Variants in NUP93 observed in about 807,000 individuals in gnomAD.
NUP93 encodes the protein nucleoporin 93, also known as nuclear pore complex protein Nup93.
A neutral mutation model predicts 107.8 loss-of-function variants in NUP93; 55 were observed. The ratio of observed to expected loss-of-function variants is 0.51; its 90% CI spans 0.41 to 0.64. The LOEUF (loss-of-function observed/expected upper bound fraction) is 0.64, where lower values mean the gene tolerates loss of function less well. NUP93 is among the 30% of genes least tolerant of loss of function. The pLI is 0.00. For missense variants in NUP93, 937 were observed against 1,044.7 expected, an observed-to-expected ratio of 0.90 and a Z score of 1.42; for synonymous variants, 390 against 397.5, an observed-to-expected ratio of 0.98 and a Z score of 0.22.
intron 4 of NUP93, among the ~76,000 whole-genome samples, chr16:56,805,138 G>A (rs1349239982): frequency 6.6e-6 from 1 of 151,984 alleles, no homozygotes; most frequent in Non-Finnish European, 1.5e-5. Flanking sequence ...GCTCACTGCA[G>A]CCTCGACTTC....
intron 2 of NUP93, among the ~76,000 whole-genome samples, chr16:56,754,735 C>T (rs1309609618): frequency 5.3e-5 from 8 of 152,192 alleles, no homozygotes; most frequent in Admixed American, 5.2e-4. Context: ...TTTCTCACAA[C>T]TCCACTAGGC....
intron 3 of NUP93, among the ~76,000 whole-genome samples, chr16:56,763,485 TGTGTGTGTGTGTGG>T (rs1388528518): frequency 6.7e-6 from 1 of 149,934 alleles, no homozygotes; most frequent in African/African-American, 2.5e-5. Flanking sequence ...GAACTGCTTG[TGTGTGTGTGTGTGG>T]GTGGGTGTGT....
At position 56,758,522 on chromosome 16, in the gene NUP93, C is replaced by T. The variant is rs1486890867; in HGVS notation, c.180-16C>T. 4.4e-6 allele frequency: 7 copies of T among 1,584,322 alleles called. No individual in the cohort carries two copies. The African/African-American group carries it at 8.1e-5, about 18-fold the overall frequency. The stretch of plus-strand genomic sequence containing the variant: ...TTCCCCTTACTTATATCTCCCTATT[C>T]TATATCCTCACATAGGTCAGTTCTC... On this transcript the variant is annotated splice_polypyrimidine_tract_variant and intron_variant, in intron 2 of 21. Transcript: ENST00000308159.
At chr16:56,737,109 G>A (rs1961626665) in intron 1 of NUP93, among the ~76,000 whole-genome samples, 1 of 152,134 alleles carries the variant, frequency 6.6e-6, no homozygotes, top group South Asian at 2.1e-4. Context: ...TGGTACTTTG[G>A]TCAGCTCAGA....
rs1964118548 is a variant in NUP93, at chr16:56,846,491, C to G, written c.*1882C>G. Reference sequence around the variant, plus strand: ...TTGGGAGGCCAAGGCAGGCAGTTCGCTTGAGGTAAGGGGTTTGAGACCAGT... The same window carrying G: ...TTGGGAGGCCAAGGCAGGCAGTTCGGTTGAGGTAAGGGGTTTGAGACCAGT... On this transcript the variant is annotated 3_prime_UTR_variant, in exon 22 of 22. Coordinates refer to ENST00000308159, the MANE Select transcript of NUP93 (RefSeq NM_014669.5). 1.3e-5 allele frequency: 2 copies of G among 152,112 alleles called. No homozygotes were observed. The highest frequency in any genetic ancestry group is 4.1e-4 in the South Asian group (2 of 4,822). 9.4% of individuals were successfully genotyped at this position (152,112 alleles called of 1,614,324 possible). A position where few individuals can be genotyped will look rare whatever the true frequency, so the allele number is the denominator to read the frequency against.
chr16:56,757,574 CT>C (rs1962048822), intron 2 of NUP93, among the ~76,000 whole-genome samples: 1 of 152,220 alleles, frequency 6.6e-6, no homozygotes, highest in Non-Finnish European at 1.5e-5. Context: ...TTAGTGCAAC[CT>C]TTTCTTTAAA....
At chr16:56,775,143 C>T (rs1417347160) in intron 3 of NUP93, among the ~76,000 whole-genome samples, 4 of 152,106 alleles carry the variant, frequency 2.6e-5, no homozygotes, top group African/African-American at 9.7e-5. Flanking sequence ...TCAAGCGATC[C>T]ACCTACTTTG....
chr16:56,793,459 G>A (rs555792733), intron 3 of NUP93, among the ~76,000 whole-genome samples: 4 of 152,240 alleles, frequency 2.6e-5, no homozygotes, highest in South Asian at 4.2e-4. Flanking sequence ...CTGTACCCAC[G>A]GGGCATCTCA....
At chr16:56,844,350 G>T (rs1964082287) in intron 21 of NUP93, 149 bp from the exon 22 acceptor site, 2 of 416,726 alleles carry the variant, frequency 4.8e-6, no homozygotes, top group Non-Finnish European at 8.5e-6. Flanking sequence ...ACAGAGGAGG[G>T]TATGACTGTC....
intron 18 of NUP93, among the ~76,000 whole-genome samples, chr16:56,838,120 T>C (rs1470173803): frequency 6.6e-6 from 1 of 152,180 alleles, no homozygotes; most frequent in Non-Finnish European, 1.5e-5. Flanking sequence ...GGCCAGTGTT[T>C]CAGACTACCT....
intron 3 of NUP93, among the ~76,000 whole-genome samples, chr16:56,791,184 G>T (rs1401716422): frequency 1.3e-5 from 2 of 152,162 alleles, no homozygotes; most frequent in Admixed American, 1.3e-4. Flanking sequence ...TTGCTGGTTG[G>T]TCTGTTTAAT....
intron 7 of NUP93, 130 bp from the exon 8 acceptor site, chr16:56,823,577 G>C (rs542918307): frequency 1.8e-6 from 2 of 1,104,604 alleles, no homozygotes; most frequent in Non-Finnish European, 2.6e-6. Flanking sequence ...AAGCCTAGCC[G>C]TCACAGACAG....
chr16:56,764,223 G>A (rs1962179173), intron 3 of NUP93, among the ~76,000 whole-genome samples: 1 of 152,198 alleles, frequency 6.6e-6, no homozygotes. Flanking sequence ...GGATGCGGTG[G>A]CCCACACCTG....
chr16:56,789,580 G>A (rs1321969131), intron 3 of NUP93, among the ~76,000 whole-genome samples: 5 of 152,222 alleles, frequency 3.3e-5, no homozygotes, highest in African/African-American at 9.6e-5. Flanking sequence ...GGCAAATGGT[G>A]GAACTCCACA....
At chr16:56,823,626 T>G in intron 7 of NUP93, 81 bp from the exon 8 acceptor site, 9 of 1,497,406 alleles carry the variant, frequency 6.0e-6, no homozygotes, top group Non-Finnish European at 8.3e-6. Flanking sequence ...TCTGCCCCCT[T>G]TGGAGGTCAG....
At chr16:56,837,360 C>T (rs1429653644) in intron 17 of NUP93, among the ~76,000 whole-genome samples, 15 of 152,110 alleles carry the variant, frequency 9.9e-5, no homozygotes, top group African/African-American at 3.1e-4. Context: ...GCCAGGAGTT[C>T]GAGACTAGCC....
intron 3 of NUP93, among the ~76,000 whole-genome samples, chr16:56,797,002 C>T (rs529541432): frequency 9.2e-5 from 14 of 151,378 alleles, no homozygotes; most frequent in African/African-American, 2.9e-4. Flanking sequence ...AGGCTGGGTG[C>T]GGTGGCTTAC....
intron 1 of NUP93, among the ~76,000 whole-genome samples, chr16:56,731,639 C>T (rs187925019): frequency 6.6e-6 from 1 of 152,278 alleles, no homozygotes; most frequent in Non-Finnish European, 1.5e-5. Flanking sequence ...AACTCCTGGC[C>T]TCAAGTGATC....
chr16:56,735,103 A>G (rs77252228), intron 1 of NUP93, among the ~76,000 whole-genome samples: 3,336 of 152,358 alleles, frequency 0.022, 68 homozygotes, highest in East Asian at 0.075. Flanking sequence ...TGAATGGAGT[A>G]AAAGGAATTT....
Sources: gnomAD v4.1 joint callset for allele counts (sites outside exome capture counted in the v4.1 genomes callset) on GRCh38, gnomAD v4.1.1 for gene constraint, MANE v1.5 for transcripts, NCBI Gene and HGNC (gene_info 2026-07-23, HGNC 2026-07-21) for gene names.